The following NSUN4 variants were observed in gnomAD, a reference collection of about 807,000 sequenced individuals.
NSUN4 encodes 5-cytosine rRNA methyltransferase NSUN4.
Under a neutral mutation model 43.8 loss-of-function variants are expected in NSUN4, and 31 were observed. The observed-to-expected ratio is 0.71, with a 90% CI of 0.53 to 0.96. The LOEUF is 0.96. Among genes scored for constraint, NSUN4 ranks in the 40% least tolerant of loss-of-function variants. The pLI is 0.00. For synonymous variants in NSUN4, 167 were observed against 184.1 expected, an observed-to-expected ratio of 0.91 and a Z score of 0.75; for missense variants, 439 against 475.6, an observed-to-expected ratio of 0.92 and a Z score of 0.72.
intron 3 of NSUN4, among the ~76,000 whole-genome samples, chr1:46,348,993 T>G (rs1185878871): frequency 6.6e-6 from 1 of 151,712 alleles, no homozygotes; most frequent in Non-Finnish European, 1.5e-5. Context: ...TTTTGTATTT[T>G]TAGTAGAGAT....
intron 3 of NSUN4, 132 bp from the exon 4 acceptor site, chr1:46,352,736 C>T: frequency 1.2e-6 from 1 of 833,222 alleles, no homozygotes; most frequent in Non-Finnish European, 2.0e-6. Flanking sequence ...GTGCCATGCA[C>T]ATAATAAATG....
Position 46,348,709 on chromosome 1 carries a change from C to CAA in NSUN4, c.592+1660_592+1661dup, listed in dbSNP as rs34999763. On this transcript the variant is annotated intron_variant, in intron 3 of 5. Coordinates refer to ENST00000474844, the MANE Select transcript of NSUN4 (RefSeq NM_199044.4). ...GGGCAACAAGAGCAAAACTCTGTCTCAAAAAAAAAAAAAAAAAAAAAAAAA... is the reference window on the plus strand; with the variant it reads ...GGGCAACAAGAGCAAAACTCTGTCTCAAAAAAAAAAAAAAAAAAAAAAAAAAA... Among the ~76,000 whole-genome samples, 404 of 52,102 alleles carry CAA rather than the reference C, an allele frequency of 7.8e-3. 33 individuals are homozygous for CAA. The highest frequency in any genetic ancestry group is 9.9e-3 in the South Asian group (8 of 810). The allele number at this position is 52,102 out of a possible 152,430, so 34.2% of individuals were successfully genotyped here. A position where few individuals can be genotyped will look rare whatever the true frequency, so the allele number is the denominator to read the frequency against.
At chr1:46,354,443 T>C (rs1302154960) in intron 4 of NSUN4, among the ~76,000 whole-genome samples, 1 of 152,156 alleles carries the variant, frequency 6.6e-6, no homozygotes, top group Admixed American at 6.6e-5. Context: ...TTAAATGGCA[T>C]ACTCTAAAAA....
Position 46,345,057 on chromosome 1 carries a change from C to A in NSUN4, c.350C>A (p.Ala117Asp), listed in dbSNP as rs201451861. Residue 117 changes from alanine to aspartate, a missense_variant, in exon 2 of 6, where the codon GCC becomes GAC. Transcript: ENST00000474844. ...ELQSEGGQSA[A>D]PSPASWACSP... ...CAGTCTGAGGGTGGCCAATCTGCAGCCCCATCCCCTGCCTCCTGGGCCTGC... is the reference window on the plus strand; with the variant it reads ...CAGTCTGAGGGTGGCCAATCTGCAGACCCATCCCCTGCCTCCTGGGCCTGC... The A allele has an allele frequency of 6.8e-4, 1,105 of 1,614,034 alleles. No individual in the cohort carries two copies. Among genetic ancestry groups the A allele is most frequent in the Non-Finnish European group, 9.0e-4 (1,058 of 1,179,994 alleles).
downstream of NSUN4, among the ~76,000 whole-genome samples, chr1:46,366,550 A>G (rs1215633688): frequency 6.6e-6 from 1 of 151,984 alleles, no homozygotes; most frequent in Admixed American, 6.6e-5. Flanking sequence ...AGGTCTCCCT[A>G]AAAAAAGAGA....
the NSUN4 span, among the ~76,000 whole-genome samples, chr1:46,374,122 A>G: frequency 6.6e-6 from 1 of 151,874 alleles, no homozygotes; most frequent in East Asian, 1.9e-4. Context: ...CCCCATCTCT[A>G]CTAAAAATAC....
rs1228917943 is a variant in NSUN4 at position 46,362,166 on chromosome 1, T to C, written c.*320T>C. 1 of 345,334 alleles carries C rather than the reference T, an allele frequency of 2.9e-6. No homozygotes were observed. The highest frequency in any genetic ancestry group is 2.1e-5 in the African/African-American group (1 of 47,732). 21.4% of individuals were successfully genotyped at this position (345,334 alleles called of 1,614,324 possible). A position where few individuals can be genotyped will look rare whatever the true frequency, so the allele number is the denominator to read the frequency against. On this transcript the variant is annotated 3_prime_UTR_variant, in exon 6 of 6. Coordinates refer to ENST00000474844, the MANE Select transcript of NSUN4 (RefSeq NM_199044.4). ...AAGTTGTAAACATAGGAGAAGCATTTGGCCAATAAAGTTGTTGAAACTCTA... is the reference window on the plus strand; with the variant it reads ...AAGTTGTAAACATAGGAGAAGCATTCGGCCAATAAAGTTGTTGAAACTCTA...
Position 46,352,058 on chromosome 1 carries a change from G to C in NSUN4, c.593-810G>C, listed in dbSNP as rs575316019. ...GCCCAGGCTGGTCTTGAACTCCTGG[G>C]CTGAAGCAATCCACCTACTTTGGCG... On this transcript the variant is annotated intron_variant, in intron 3 of 5. Coordinates refer to ENST00000474844, the MANE Select transcript of NSUN4 (RefSeq NM_199044.4). Among the ~76,000 whole-genome samples the C allele has an allele frequency of 3.3e-5, 5 of 151,748 alleles. No homozygotes were observed. In the South Asian group the frequency reaches 8.3e-4, roughly 25 times the overall value.
At chr1:46,373,433 G>T in the NSUN4 span, among the ~76,000 whole-genome samples, 10 of 152,220 alleles carry the variant, frequency 6.6e-5, no homozygotes, top group East Asian at 1.9e-4. Flanking sequence ...ATAAGGAAAA[G>T]AAATTTATTT....
chr1:46,357,660 G>A (rs985423881), intron 4 of NSUN4, among the ~76,000 whole-genome samples: 2 of 152,142 alleles, frequency 1.3e-5, no homozygotes, highest in African/African-American at 4.8e-5. Context: ...CTGAGAAGGA[G>A]TAAGGAAAGA....
chr1:46,360,889 C>G, intron 5 of NSUN4, 61 bp downstream of exon 5: 5 of 1,585,478 alleles, frequency 3.2e-6, no homozygotes, highest in Non-Finnish European at 4.3e-6. Context: ...GACTGGGGGA[C>G]TGGAAGCTCT....
In NSUN4 at chr1:46,362,427, C is replaced by A. The variant is rs1315228884; in HGVS notation, c.*581C>A. ...GCAAAATAATCTGCTTACCTACTCACATTGGAAAAACCCTCTGAGCTGAAT... is the reference window on the plus strand; with the variant it reads ...GCAAAATAATCTGCTTACCTACTCAAATTGGAAAAACCCTCTGAGCTGAAT... On this transcript the variant is annotated 3_prime_UTR_variant, in exon 6 of 6. Transcript: ENST00000474844. The A allele has an allele frequency of 6.5e-6, 1 of 152,860 alleles. No homozygotes were observed. Among genetic ancestry groups the A allele is most frequent in the Non-Finnish European group, 1.5e-5 (1 of 68,598 alleles). The allele number at this position is 152,860 out of a possible 1,614,324, so 9.5% of individuals were successfully genotyped here.
At chr1:46,377,977 C>A in the NSUN4 span, among the ~76,000 whole-genome samples, 4 of 152,150 alleles carry the variant, frequency 2.6e-5, no homozygotes, top group Non-Finnish European at 5.9e-5. Flanking sequence ...TGATGGGTTT[C>A]CAAGTTAATG....
downstream of NSUN4, among the ~76,000 whole-genome samples, chr1:46,369,730 G>A (rs1338236914): frequency 6.6e-6 from 1 of 152,166 alleles, no homozygotes; most frequent in Non-Finnish European, 1.5e-5. Context: ...GTATCCTGCA[G>A]TGTAAGGAGA....
At chr1:46,352,576 A>AAGAAAGGGG (rs1260602296) in intron 3 of NSUN4, among the ~76,000 whole-genome samples, 1 of 151,952 alleles carries the variant, frequency 6.6e-6, no homozygotes, top group African/African-American at 2.4e-5. Context: ...GGAAAGGGGA[A>AAGAAAGGGG]AGAAAGGGGA....
At chr1:46,377,989 T>C in the NSUN4 span, among the ~76,000 whole-genome samples, 3 of 152,324 alleles carry the variant, frequency 2.0e-5, no homozygotes, top group East Asian at 5.8e-4. Flanking sequence ...AAGTTAATGA[T>C]TGGGAACCTT....
At chr1:46,379,417 C>T in the NSUN4 span, among the ~76,000 whole-genome samples, 1 of 152,250 alleles carries the variant, frequency 6.6e-6, no homozygotes, top group Admixed American at 6.5e-5. Flanking sequence ...GAGATCTAGA[C>T]CATCCTGGCC....
intron 2 of NSUN4, chr1:46,345,498 C>T (rs1662425045): frequency 1.0e-5 from 2 of 193,004 alleles, no homozygotes; most frequent in Non-Finnish European, 2.1e-5. Context: ...TGGTAGAAAA[C>T]AGCCACCTTT....
chr1:46,348,324 G>T (rs1662675644), intron 3 of NSUN4, among the ~76,000 whole-genome samples: 1 of 152,224 alleles, frequency 6.6e-6, no homozygotes, highest in Non-Finnish European at 1.5e-5. Flanking sequence ...CAGAAATGAT[G>T]CCTGTCTCCT....
Sources: allele counts gnomAD v4.1 joint callset (sites outside exome capture counted in the v4.1 genomes callset), GRCh38; gene constraint gnomAD v4.1.1; transcripts MANE v1.5; gene names NCBI Gene and HGNC (gene_info 2026-07-23, HGNC 2026-07-21).